PCDH15: variants seen among roughly 807,000 people sequenced by gnomAD.
The protein encoded by PCDH15 is protocadherin related 15.
A neutral mutation model predicts 178.5 loss-of-function variants in PCDH15; 129 were observed. The ratio of observed to expected loss-of-function variants is 0.72; its 90% CI spans 0.63 to 0.84. The LOEUF (loss-of-function observed/expected upper bound fraction) is 0.84, where lower values mean the gene tolerates loss of function less well. Ranked by LOEUF, PCDH15 falls within the 40% of genes least tolerant of loss-of-function variation. The pLI is 0.00. For synonymous variants in PCDH15, 800 were observed against 732.0 expected (o/e 1.09, Z -1.50); for missense variants, 2,230 against 2,099.9 (o/e 1.06, Z -1.21).
At chr10:53,949,041 G>A (rs182558762) in intron 23 of PCDH15, among the ~76,000 whole-genome samples, 59 of 152,328 alleles carry the variant, frequency 3.9e-4, no homozygotes, top group African/African-American at 1.3e-3. Flanking sequence ...AACAGTGGAT[G>A]TAAGTTGAAC....
intron 1 of PCDH15, among the ~76,000 whole-genome samples, chr10:54,748,136 G>T (rs959871634): frequency 6.6e-6 from 1 of 152,002 alleles, no homozygotes; most frequent in Non-Finnish European, 1.5e-5. Context: ...TTTGAGATAT[G>T]GAGTTGTCTA....
intron 33 of PCDH15, among the ~76,000 whole-genome samples, chr10:53,819,235 C>A (rs576381569): frequency 6.6e-6 from 1 of 152,080 alleles, no homozygotes; most frequent in African/African-American, 2.4e-5. Flanking sequence ...AAATATCCAA[C>A]CAAAGCCAGG....
At chr10:54,826,431 C>G (rs1591724180) in intron 3 of PCDH15, among the ~76,000 whole-genome samples, 1 of 149,072 alleles carries the variant, frequency 6.7e-6, no homozygotes, top group East Asian at 2.0e-4. Context: ...ACAACTGAAA[C>G]AAAAAAAAAT....
chr10:55,626,803 C>G (rs973706211), intron 2 of PCDH15, among the ~76,000 whole-genome samples: 4 of 152,242 alleles, frequency 2.6e-5, no homozygotes, highest in Middle Eastern at 3.4e-3. Flanking sequence ...CTTCAAATTA[C>G]CTCACAACTA....
chr10:53,891,821 A>T (rs905021362), intron 26 of PCDH15, among the ~76,000 whole-genome samples: 17 of 151,244 alleles, frequency 1.1e-4, no homozygotes, highest in African/African-American at 4.1e-4. Flanking sequence ...AATACAAAAA[A>T]GTTAGCTGGG....
At chr10:55,346,804 T>C (rs1844767612) in intron 2 of PCDH15, among the ~76,000 whole-genome samples, 1 of 151,996 alleles carries the variant, frequency 6.6e-6, no homozygotes, top group Non-Finnish European at 1.5e-5. Flanking sequence ...AGGTCCACCT[T>C]GGCTGCTCAC....
At chr10:54,922,922 C>T (rs1837530642) in intron 2 of PCDH15, among the ~76,000 whole-genome samples, 1 of 152,174 alleles carries the variant, frequency 6.6e-6, no homozygotes, top group Non-Finnish European at 1.5e-5. Context: ...GGGAGTGCCC[C>T]TGTGGGGACT....
At chr10:55,060,967 A>G (rs1049995899) in intron 2 of PCDH15, among the ~76,000 whole-genome samples, 1 of 152,098 alleles carries the variant, frequency 6.6e-6, no homozygotes, top group Non-Finnish European at 1.5e-5. Flanking sequence ...ATGCAAAATT[A>G]CAAACTTCCT....
intron 11 of PCDH15, among the ~76,000 whole-genome samples, chr10:54,187,199 C>A (rs895433614): frequency 2.0e-5 from 3 of 151,864 alleles, no homozygotes. Flanking sequence ...TACTTTGTTC[C>A]TTTTGTTCAA....
intron 1 of PCDH15, among the ~76,000 whole-genome samples, chr10:54,765,345 T>TA (rs765670281): frequency 1.4e-4 from 21 of 152,268 alleles, no homozygotes; most frequent in Non-Finnish European, 2.5e-4. Flanking sequence ...ACATGCGCTA[T>TA]AATTCTCAAA....
chr10:54,268,754 A>T (rs1352080577), intron 8 of PCDH15, among the ~76,000 whole-genome samples: 1 of 151,886 alleles, frequency 6.6e-6, no homozygotes, highest in African/African-American at 2.4e-5. Flanking sequence ...TAGTACTGTA[A>T]ATATAATTAC....
At chr10:54,836,211 A>T (rs370044992) in intron 3 of PCDH15, among the ~76,000 whole-genome samples, 1 of 152,178 alleles carries the variant, frequency 6.6e-6, no homozygotes, top group Non-Finnish European at 1.5e-5. Flanking sequence ...TGAAGAACAG[A>T]GTCTAACTCT....
intron 15 of PCDH15, among the ~76,000 whole-genome samples, chr10:54,095,344 T>C (rs1405482294): frequency 6.6e-6 from 1 of 151,980 alleles, no homozygotes; most frequent in Non-Finnish European, 1.5e-5. Flanking sequence ...TGTTATTTTG[T>C]CATTCATAAT....
At chr10:54,488,695 A>G (rs1398726044) in intron 3 of PCDH15, among the ~76,000 whole-genome samples, 1 of 152,018 alleles carries the variant, frequency 6.6e-6, no homozygotes, top group East Asian at 1.9e-4. Context: ...GTTTTATCCT[A>G]AAGTGAAGTA....
At chr10:55,135,203 C>T (rs1048374875) in intron 2 of PCDH15, among the ~76,000 whole-genome samples, 2 of 152,034 alleles carry the variant, frequency 1.3e-5, no homozygotes, top group African/African-American at 2.4e-5. Context: ...AAGAACTCAA[C>T]TAGTATCATA....
intron 26 of PCDH15, among the ~76,000 whole-genome samples, chr10:53,897,959 C>CTTTTTTTTTTGTTTTTTTT (rs2082066778): frequency 1.2e-5 from 1 of 82,412 alleles, no homozygotes; most frequent in African/African-American, 5.4e-5. Context: ...TTTCTTTTCC[C>CTTTTTTTTTTGTTTTTTTT]TTTTTTTTTT....
chr10:53,951,814 T>C (rs1005613715), intron 23 of PCDH15, among the ~76,000 whole-genome samples: 1 of 152,158 alleles, frequency 6.6e-6, no homozygotes, highest in African/African-American at 2.4e-5. Context: ...ATCCCATGCC[T>C]GCCAAGGGTG....
chr10:53,902,926 T>C (rs574286178), intron 26 of PCDH15, among the ~76,000 whole-genome samples: 105 of 152,284 alleles, frequency 6.9e-4, no homozygotes, highest in Non-Finnish European at 1.4e-3. Context: ...AGATTTCATT[T>C]TGAGAATCTT....
chr10:54,886,859 T>C (rs1230075495), intron 3 of PCDH15, among the ~76,000 whole-genome samples: 1 of 152,260 alleles, frequency 6.6e-6, no homozygotes. Flanking sequence ...GCTTTTGCCA[T>C]TTCTGTCCAC....
Sources: allele counts gnomAD v4.1 joint callset (sites outside exome capture counted in the v4.1 genomes callset), GRCh38; gene constraint gnomAD v4.1.1; transcripts MANE v1.5; gene names NCBI Gene and HGNC (gene_info 2026-07-23, HGNC 2026-07-21).